Variants in OVAAL observed in about 807,000 individuals in gnomAD.
OVAAL encodes the protein long intergenic non-protein coding RNA 1131.
exon 3 of OVAAL, chr1:180,565,586 A>G (rs967439862): frequency 6.6e-6 from 1 of 152,206 alleles, no homozygotes; most frequent in Non-Finnish European, 1.5e-5. Flanking sequence ...CGTATCATTA[A>G]AAATGGACTC....
At chr1:180,560,319 A>G (rs1653176937) in intron 1 of OVAAL, among the ~76,000 whole-genome samples, 1 of 152,166 alleles carries the variant, frequency 6.6e-6, no homozygotes, top group African/African-American at 2.4e-5. Flanking sequence ...CAAGCACTCG[A>G]TATAAGAACT....
At chr1:180,560,783 C>T (rs1206535131) in intron 1 of OVAAL, among the ~76,000 whole-genome samples, 1 of 152,196 alleles carries the variant, frequency 6.6e-6, no homozygotes, top group Non-Finnish European at 1.5e-5. Context: ...TATGTTAGTA[C>T]TAACCTAACA....
chr1:180,562,951 A>G (rs1653233320), intron 2 of OVAAL, among the ~76,000 whole-genome samples: 1 of 152,204 alleles, frequency 6.6e-6, no homozygotes, highest in Non-Finnish European at 1.5e-5. Context: ...TTTTTCCTCT[A>G]GCCAAGTGGT....
intron 1 of OVAAL, among the ~76,000 whole-genome samples, chr1:180,560,750 T>G (rs549368490): frequency 1.3e-5 from 2 of 152,336 alleles, no homozygotes; most frequent in African/African-American, 4.8e-5. Flanking sequence ...TACAAGCTGT[T>G]GCAACTTTGC....
At chr1:180,565,390 C>T (rs542410384) in exon 3 of OVAAL, 2 of 152,372 alleles carry the variant, frequency 1.3e-5, no homozygotes, top group African/African-American at 2.4e-5. Flanking sequence ...AAGCCCCAGA[C>T]ATTTAGCCTT....
chr1:180,561,161 C>T (rs567449348), intron 1 of OVAAL, among the ~76,000 whole-genome samples: 3 of 152,186 alleles, frequency 2.0e-5, no homozygotes, highest in Non-Finnish European at 4.4e-5. Context: ...CCTGAGCATG[C>T]TCCTCTTTTC....
chr1:180,566,322 G>A (rs564239914), exon 3 of OVAAL: 1 of 152,198 alleles, frequency 6.6e-6, no homozygotes, highest in South Asian at 2.1e-4. Flanking sequence ...AGGCGTAATA[G>A]GAAGGTTTGC....
At chr1:180,562,627 C>G (rs1210510802) in intron 2 of OVAAL, among the ~76,000 whole-genome samples, 4 of 152,126 alleles carry the variant, frequency 2.6e-5, no homozygotes, top group Non-Finnish European at 4.4e-5. Flanking sequence ...GCCTGGTGAT[C>G]AAAGCAAGGA....
At chr1:180,564,591 C>G (rs1653261267) in intron 2 of OVAAL, among the ~76,000 whole-genome samples, 1 of 152,144 alleles carries the variant, frequency 6.6e-6, no homozygotes, top group African/African-American at 2.4e-5. Flanking sequence ...GACCAGTCAC[C>G]TGAGCCACTA....
At chr1:180,564,739 C>T (rs376386404) in intron 2 of OVAAL, among the ~76,000 whole-genome samples, 1 of 152,152 alleles carries the variant, frequency 6.6e-6, no homozygotes, top group African/African-American at 2.4e-5. Flanking sequence ...TCTCCCTGCT[C>T]GATGTTCACC....
intron 2 of OVAAL, among the ~76,000 whole-genome samples, chr1:180,564,584 C>G (rs1275144604): frequency 1.3e-5 from 2 of 152,050 alleles, no homozygotes; most frequent in African/African-American, 4.8e-5. Context: ...CCAATTGGAC[C>G]AGTCACCTGA....
chr1:180,566,453 G>A (rs1653289462), exon 3 of OVAAL: 1 of 152,234 alleles, frequency 6.6e-6, no homozygotes, highest in Non-Finnish European at 1.5e-5. Flanking sequence ...TGAAATGGAT[G>A]TCTTCTTATA....
exon 3 of OVAAL, chr1:180,565,823 A>G (rs1653280645): frequency 6.6e-6 from 1 of 152,202 alleles, no homozygotes; most frequent in Non-Finnish European, 1.5e-5. Context: ...TAATAAAAAT[A>G]AGAAGAATCT....
chr1:180,564,737 C>A (rs1025686574), intron 2 of OVAAL, among the ~76,000 whole-genome samples: 6 of 152,078 alleles, frequency 3.9e-5, no homozygotes, highest in African/African-American at 1.4e-4. Flanking sequence ...CTTCTCCCTG[C>A]TCGATGTTCA....
chr1:180,560,913 AG>A (rs1653190055), intron 1 of OVAAL, among the ~76,000 whole-genome samples: 3 of 152,362 alleles, frequency 2.0e-5, no homozygotes, highest in South Asian at 4.1e-4. Flanking sequence ...AACTTGTTCT[AG>A]GAATACCAAA....
intron 2 of OVAAL, among the ~76,000 whole-genome samples, chr1:180,564,468 G>A (rs753899091): frequency 1.8e-4 from 28 of 152,070 alleles, no homozygotes; most frequent in African/African-American, 5.6e-4. Flanking sequence ...TTAAACTACT[G>A]TGTTGTATTC....
At chr1:180,565,345 C>G (rs1013307435) in exon 3 of OVAAL, 2 of 152,354 alleles carry the variant, frequency 1.3e-5, no homozygotes, top group Non-Finnish European at 2.9e-5. Context: ...ACTGATGACA[C>G]TGGCCACTGT....
chr1:180,559,412 T>C (rs1275348479), intron 1 of OVAAL, among the ~76,000 whole-genome samples: 2 of 152,164 alleles, frequency 1.3e-5, no homozygotes, highest in African/African-American at 4.8e-5. Context: ...TTTTAGCAAA[T>C]AGACTGGCAG....
At chr1:180,561,610 G>T (rs1653205936) in intron 1 of OVAAL, among the ~76,000 whole-genome samples, 3 of 152,220 alleles carry the variant, frequency 2.0e-5, no homozygotes, top group Admixed American at 1.3e-4. Flanking sequence ...CTTGATCTGT[G>T]AGAAGCTGTA....
Sources: allele counts gnomAD v4.1 joint callset (sites outside exome capture counted in the v4.1 genomes callset), GRCh38; gene constraint gnomAD v4.1.1; transcripts MANE v1.5; gene names NCBI Gene and HGNC (gene_info 2026-07-23, HGNC 2026-07-21).